Variants in RBFOX3 observed in about 807,000 individuals in gnomAD.
RBFOX3 encodes RNA binding fox-1 homolog 3.
In RBFOX3, 17 loss-of-function variants were observed where a neutral mutation model predicts 48.7. The observed-to-expected ratio is 0.35, with a 90% confidence interval of 0.24 to 0.52. RBFOX3 has a LOEUF of 0.52. Ranked by LOEUF, RBFOX3 falls within the 20% of genes least tolerant of loss-of-function variation. The pLI is 0.94. For missense variants in RBFOX3, 382 were observed against 497.5 expected (o/e 0.77, Z 2.21); for synonymous variants, 212 against 209.5 (o/e 1.01, Z -0.10).
At chr17:79,611,290 G>C (rs1438858624), upstream of RBFOX3, among the ~76,000 whole-genome samples, 1 of 146,614 alleles carries the variant, frequency 6.8e-6, no homozygotes, top group Non-Finnish European at 1.5e-5. Context: ...GTGGCAGCTC[G>C]AGCGGAGCGC....
Position 79,094,436 on chromosome 17 carries a change from G to A in RBFOX3, c.1077+15C>T. 2 of 1,495,222 alleles carry A rather than the reference G, an allele frequency of 1.3e-6. No individual in the cohort carries two copies. The highest frequency in any genetic ancestry group is 2.4e-5 in the Admixed American group (1 of 42,530). 92.6% of individuals were successfully genotyped at this position (1,495,222 alleles called of 1,614,324 possible). A position where few individuals can be genotyped will look rare whatever the true frequency, so the allele number is the denominator to read the frequency against. ...AGGACTGGCACCCAGGGCTGGGCGG[G>A]CCTGGGCTCCTTACCATGGTTCCAA... On this transcript the variant is annotated intron_variant, in intron 14 of 14. Transcript: ENST00000693108.
chr17:79,559,508 G>A (rs2092028610), intron 1 of RBFOX3, among the ~76,000 whole-genome samples: 1 of 151,030 alleles, frequency 6.6e-6, no homozygotes, highest in Non-Finnish European at 1.5e-5. Context: ...GATTTTGTAT[G>A]GGTGGATAGT....
At chr17:79,633,147 G>A in the RBFOX3 span, among the ~76,000 whole-genome samples, 3 of 152,188 alleles carry the variant, frequency 2.0e-5, no homozygotes, top group African/African-American at 7.2e-5. Context: ...GCCATGACTC[G>A]GCCTCCAGAG....
chr17:79,149,840 G>T (rs2144730040), intron 4 of RBFOX3, among the ~76,000 whole-genome samples: 1 of 151,200 alleles, frequency 6.6e-6, no homozygotes, highest in East Asian at 2.0e-4. Context: ...CCAGGGTGAG[G>T]GGACAGAGAT....
chr17:79,303,782 C>T (rs1343861725), intron 3 of RBFOX3, among the ~76,000 whole-genome samples: 3 of 151,836 alleles, frequency 2.0e-5, no homozygotes, highest in South Asian at 2.1e-4. Context: ...GGTGCACGTA[C>T]GTGTGTGTAT....
the RBFOX3 span, among the ~76,000 whole-genome samples, chr17:79,656,671 A>AG: frequency 0.017 from 2,208 of 129,164 alleles, 36 homozygotes; most frequent in African/African-American, 0.048. Context: ...GAAGAAAGGA[A>AG]AGAAGGAAGG....
In RBFOX3 at chr17:79,309,426, C is replaced by G. The variant is rs1469879988; in HGVS notation, c.-174-1602G>C. ...CCCCTCCTGCTGCTTCTCACACCTG[C>G]TCCTTGCTCCCTCTGCCCCACCCAT... On this transcript the variant is annotated intron_variant, in intron 2 of 14. Transcript: ENST00000693108. 3.3e-5 allele frequency among the ~76,000 whole-genome samples: 5 copies of G among 152,122 alleles called. No individual in the cohort carries two copies. In the South Asian group the frequency reaches 8.3e-4, roughly 25 times the overall value.
intron 2 of RBFOX3, among the ~76,000 whole-genome samples, chr17:79,326,992 G>A (rs1171671190): frequency 6.6e-6 from 1 of 152,220 alleles, no homozygotes; most frequent in African/African-American, 2.4e-5. Flanking sequence ...CAGCACACCA[G>A]GAGCCGATCT....
intron 3 of RBFOX3, among the ~76,000 whole-genome samples, chr17:79,255,475 T>C (rs1233886808): frequency 6.6e-6 from 1 of 152,030 alleles, no homozygotes; most frequent in Non-Finnish European, 1.5e-5. Context: ...CCATCTGTGC[T>C]CAGGAACAAG....
chr17:79,267,298 C>T (rs946241523), intron 3 of RBFOX3, among the ~76,000 whole-genome samples: 3 of 152,178 alleles, frequency 2.0e-5, no homozygotes, highest in African/African-American at 7.2e-5. Flanking sequence ...AGTGCCTCCC[C>T]TTCAAGCTGA....
Position 79,097,385 on chromosome 17 carries a change from G to T in RBFOX3, c.662C>A (p.Ala221Asp). 1 of 1,548,454 alleles carries T rather than the reference G, an allele frequency of 6.5e-7. No individual in the cohort carries two copies. The highest frequency in any genetic ancestry group is 8.7e-7 in the Non-Finnish European group (1 of 1,146,168). ...FPYPTTGTAV[A>D]YRGAHLRGRG... ...GCCCCGAAGATGTGCGCCCCGGTAG[G>T]CAACGGCTGTGCCGGTGGTGGGGTA... The change falls in exon 11 of 15, where the codon GCC (alanine) becomes GAC (aspartate). Residue 221 changes from alanine (A) to aspartate (D), a missense_variant. This residue lies in a region of RBFOX3 where 215 missense variants were observed against 254.8 expected (regional missense o/e 0.84). Transcript: ENST00000693108.
chr17:79,200,834 T>C (rs1355306886), intron 4 of RBFOX3, among the ~76,000 whole-genome samples: 1 of 152,008 alleles, frequency 6.6e-6, no homozygotes, highest in Non-Finnish European at 1.5e-5. Flanking sequence ...ACAAGTCCCC[T>C]CCTTAGGCCA....
chr17:79,449,312 C>T (rs1598743364), intron 2 of RBFOX3, among the ~76,000 whole-genome samples: 1 of 151,916 alleles, frequency 6.6e-6, no homozygotes, highest in African/African-American at 2.4e-5. Context: ...CCCCCGTTAA[C>T]CCCTTTCTGC....
chr17:79,653,883 CAA>C, the RBFOX3 span, among the ~76,000 whole-genome samples: 27 of 66,552 alleles, frequency 4.1e-4, no homozygotes, highest in Middle Eastern at 0.01. Context: ...TCTCTACCAC[CAA>C]AAAAAAAAAA....
rs1870619 is a variant in RBFOX3, at chr17:79,242,751, C to T, written c.-73-6946G>A. ...CCATACTTAGGTCTGTGGGAAGGGC[C>T]ACCCCCTTACTGGGCCTCCACAGGG... On this transcript the variant is annotated intron_variant, in intron 3 of 14. Transcript: ENST00000693108. The surrounding 1 kb of genome is among the most constrained non-coding windows in gnomAD (Gnocchi z 5.8). Among the ~76,000 whole-genome samples the T allele has an allele frequency of 2.0e-5, 3 of 152,130 alleles. No individual in the cohort carries two copies. Among genetic ancestry groups the T allele is most frequent in the Admixed American group, 2.0e-4 (3 of 15,282 alleles).
rs142349524 is a variant in RBFOX3 at position 79,329,267 on chromosome 17, G to A, written c.-174-21443C>T. ...GTATGGAAACAAACTCCCTTCCCAC[G>A]CCATTATTACCATCATCATCTTCAC... is the stretch of plus-strand genomic sequence containing the variant. On this transcript the variant is annotated intron_variant, in intron 2 of 14. Coordinates refer to ENST00000693108, the MANE Select transcript of RBFOX3 (RefSeq NM_001350451.2). Among the ~76,000 whole-genome samples, 11 of 152,120 alleles carry A rather than the reference G, an allele frequency of 7.2e-5. No homozygotes were observed. In the East Asian group the frequency reaches 1.9e-3, roughly 27 times the overall value.
At chr17:79,296,305 C>A (rs906121757) in intron 3 of RBFOX3, among the ~76,000 whole-genome samples, 18 of 130,504 alleles carry the variant, frequency 1.4e-4, no homozygotes, top group South Asian at 5.4e-4. Context: ...CACACACACA[C>A]CACACACACA....
At chr17:79,415,619 AG>A (rs1400633235) in intron 2 of RBFOX3, among the ~76,000 whole-genome samples, 10 of 152,192 alleles carry the variant, frequency 6.6e-5, no homozygotes, top group Non-Finnish European at 1.5e-4. Context: ...GCGGGCAGCT[AG>A]ATGGCCAAGT....
Position 79,304,211 on chromosome 17 carries a change from G to T in RBFOX3, c.-74+3513C>A, listed in dbSNP as rs2075765860. Among the ~76,000 whole-genome samples the T allele has an allele frequency of 2.0e-5, 3 of 152,010 alleles. No homozygotes were observed. The South Asian group carries it at 6.2e-4, about 32-fold the overall frequency. On this transcript the variant is annotated intron_variant, in intron 3 of 14. Coordinates refer to ENST00000693108, the MANE Select transcript of RBFOX3 (RefSeq NM_001350451.2). ...ACTTGCAAACAGGCTTGAGGGACTG[G>T]TTATGGTTTTTCTATGCAACAGAAT...
Sources: gnomAD v4.1 joint callset for allele counts (sites outside exome capture counted in the v4.1 genomes callset) on GRCh38, gnomAD v4.1.1 for gene constraint, gnomAD v4.1.1 regional missense constraint, Gnocchi (gnomAD v3.1) non-coding constraint, MANE v1.5 for transcripts, NCBI Gene and HGNC (gene_info 2026-07-23, HGNC 2026-07-21) for gene names.